Variants in FMN1 observed in about 807,000 individuals in gnomAD.
FMN1 encodes the protein formin 1.
Under a neutral mutation model 132.4 loss-of-function variants are expected in FMN1, and 110 were observed. That is an observed-to-expected ratio of 0.83 (90% CI 0.71 to 0.97). The LOEUF is 0.97. Among genes scored for constraint, FMN1 ranks in the 50% least tolerant of loss-of-function variants. FMN1 has a pLI of 0.00. For missense variants in FMN1, 1,792 were observed against 1,705.3 expected (o/e 1.05, Z -0.90); for synonymous variants, 722 against 651.7 (o/e 1.11, Z -1.64).
At chr15:32,991,912 C>T (rs546904266) in intron 7 of FMN1, among the ~76,000 whole-genome samples, 1 of 152,254 alleles carries the variant, frequency 6.6e-6, no homozygotes, top group African/African-American at 2.4e-5. Flanking sequence ...CACCTAAAGG[C>T]TCTTTTATTA....
intron 4 of FMN1, among the ~76,000 whole-genome samples, chr15:33,103,667 AC>A (rs2039376522): frequency 1.3e-5 from 2 of 152,048 alleles, no homozygotes; most frequent in Non-Finnish European, 2.9e-5. Flanking sequence ...AAAAACAAAA[AC>A]CCTAATCCAC....
chr15:32,908,356 A>T (rs1361145419), intron 12 of FMN1, 134 bp downstream of exon 12: 12 of 624,548 alleles, frequency 1.9e-5, no homozygotes, highest in Non-Finnish European at 2.9e-5. Flanking sequence ...GCTGCATGCA[A>T]CAGGTCACAG....
At position 33,012,298 on chromosome 15, in the gene FMN1, C is replaced by G. The variant is rs986682686; in HGVS notation, c.2162-4223G>C. 5 of 758,508 alleles carry G rather than the reference C, an allele frequency of 6.6e-6. No homozygotes were observed. The African/African-American group carries it at 6.8e-5, about 10-fold the overall frequency. 47.0% of individuals were successfully genotyped at this position (758,508 alleles called of 1,614,324 possible). On this transcript the variant is annotated intron_variant, in intron 6 of 20. Transcript: ENST00000616417. The stretch of plus-strand genomic sequence containing the variant: ...GGTATTCCAGAGGCTTTGGGTTTGT[C>G]TCATATGCCACCGTGGAGGAGGCAG...
In FMN1 at chr15:33,154,963, G is replaced by C. The variant is rs1221172294; in HGVS notation, c.-49C>G. 1 of 1,446,926 alleles carries C rather than the reference G, an allele frequency of 6.9e-7. No homozygotes were observed. Among genetic ancestry groups the C allele is most frequent in the Non-Finnish European group, 9.2e-7 (1 of 1,089,566 alleles). The allele number at this position is 1,446,926 out of a possible 1,614,324, so 89.6% of individuals were successfully genotyped here. The stretch of plus-strand genomic sequence containing the variant: ...CTTGGAGATGCCGGTTTGTGGTCAG[G>C]CTTCCCAGGCTCCAGTGGTGAGGCA... On this transcript the variant is annotated 5_prime_UTR_variant, in exon 4 of 21. Transcript: ENST00000616417.
chr15:32,929,654 G>A (rs1480164622), intron 9 of FMN1, among the ~76,000 whole-genome samples: 1 of 152,046 alleles, frequency 6.6e-6, no homozygotes, highest in Non-Finnish European at 1.5e-5. Flanking sequence ...GACCACCACG[G>A]ATACCTCATA....
At chr15:33,122,853 T>C (rs1403807566) in intron 4 of FMN1, among the ~76,000 whole-genome samples, 1 of 152,168 alleles carries the variant, frequency 6.6e-6, no homozygotes, top group East Asian at 1.9e-4. Context: ...TAGAAAGAGA[T>C]TGACATAGTA....
intron 5 of FMN1, among the ~76,000 whole-genome samples, chr15:33,086,037 G>A (rs2038678209): frequency 6.6e-6 from 1 of 151,992 alleles, no homozygotes; most frequent in African/African-American, 2.4e-5. Flanking sequence ...GGATCATGAG[G>A]CCAGGAGATC....
chr15:33,014,753 A>G (rs1020343110), intron 6 of FMN1, among the ~76,000 whole-genome samples: 2 of 152,168 alleles, frequency 1.3e-5, no homozygotes, highest in Non-Finnish European at 2.9e-5. Context: ...TGATCAGTTC[A>G]CAATAACAAA....
chr15:32,784,381 T>C (rs1234633489), intron 19 of FMN1, among the ~76,000 whole-genome samples: 2 of 151,866 alleles, frequency 1.3e-5, no homozygotes, highest in Non-Finnish European at 2.9e-5. Context: ...TGCTTTTTTT[T>C]TTTTAACAGA....
At chr15:33,137,971 G>T (rs1222319525) in intron 4 of FMN1, among the ~76,000 whole-genome samples, 1 of 152,148 alleles carries the variant, frequency 6.6e-6, no homozygotes, top group Non-Finnish European at 1.5e-5. Context: ...ACTTTCCATT[G>T]CTTCCTCTGT....
chr15:32,975,572 T>C (rs1399513862), intron 7 of FMN1, among the ~76,000 whole-genome samples: 1 of 152,220 alleles, frequency 6.6e-6, no homozygotes, highest in African/African-American at 2.4e-5. Context: ...CTAAACACTC[T>C]TCTGATCTCT....
intron 17 of FMN1, among the ~76,000 whole-genome samples, chr15:32,841,528 ACT>A: frequency 6.6e-6 from 1 of 152,232 alleles, no homozygotes; most frequent in Admixed American, 6.5e-5. Context: ...ACATTCCATC[ACT>A]CCATCTCAGA....
chr15:33,084,046 C>T (rs2038593651), intron 5 of FMN1, among the ~76,000 whole-genome samples: 1 of 152,144 alleles, frequency 6.6e-6, no homozygotes, highest in Non-Finnish European at 1.5e-5. Context: ...CCAGGAAATC[C>T]CTGCCCCTTT....
intron 4 of FMN1, 112 bp from the exon 5 acceptor site, chr15:33,089,086 C>T (rs2038811134): frequency 1.2e-6 from 1 of 817,080 alleles, no homozygotes; most frequent in South Asian, 2.3e-5. Flanking sequence ...TCTTACTTTG[C>T]TTTCTAAGTT....
At chr15:33,190,307 A>T (rs1966030549) in intron 2 of FMN1, among the ~76,000 whole-genome samples, 2 of 152,232 alleles carry the variant, frequency 1.3e-5, no homozygotes, top group African/African-American at 4.8e-5. Flanking sequence ...ACAGTGCTAC[A>T]GTCACCTGTG....
intron 2 of FMN1, among the ~76,000 whole-genome samples, chr15:33,192,589 C>G (rs1241265566): frequency 3.9e-5 from 6 of 152,188 alleles, no homozygotes; most frequent in African/African-American, 1.2e-4. Context: ...CTTGTGAAGG[C>G]TGGTGAGAGA....
At chr15:32,860,394 T>G (rs1307029040) in intron 16 of FMN1, among the ~76,000 whole-genome samples, 1 of 152,140 alleles carries the variant, frequency 6.6e-6, no homozygotes, top group Non-Finnish European at 1.5e-5. Context: ...GGCTCGTGCC[T>G]CTAATACCAG....
At chr15:32,835,130 C>G (rs777978790) in intron 17 of FMN1, among the ~76,000 whole-genome samples, 7 of 152,096 alleles carry the variant, frequency 4.6e-5, no homozygotes, top group Admixed American at 1.3e-4. Flanking sequence ...AGTGAGCAGG[C>G]CCATGAGGAA....
intron 3 of FMN1, among the ~76,000 whole-genome samples, chr15:33,175,118 G>A (rs903319937): frequency 2.6e-5 from 4 of 151,970 alleles, no homozygotes; most frequent in African/African-American, 7.2e-5. Context: ...CTTGACATCC[G>A]AGGCTCAAGC....
Sources: gnomAD v4.1 joint callset for allele counts (sites outside exome capture counted in the v4.1 genomes callset) on GRCh38, gnomAD v4.1.1 for gene constraint, MANE v1.5 for transcripts, NCBI Gene and HGNC (gene_info 2026-07-23, HGNC 2026-07-21) for gene names.